Variants in RPE65 observed in about 807,000 individuals in gnomAD.
RPE65 encodes retinoid isomerohydrolase.
RPE65 carries 58 observed loss-of-function variants against 68.5 expected under a neutral mutation model. The ratio of observed to expected loss-of-function variants is 0.85; its 90% CI spans 0.69 to 1.05. The LOEUF is 1.05. RPE65 is among the 50% of genes least tolerant of loss of function. The pLI, the probability that RPE65 is intolerant of heterozygous loss-of-function variation, is 0.00. For missense variants in RPE65, 643 were observed against 629.9 expected (o/e 1.02, Z -0.22); for synonymous variants, 220 against 222.2 (o/e 0.99, Z 0.09).
intron 6 of RPE65, among the ~76,000 whole-genome samples, chr1:68,440,140 C>A (rs1459151598): frequency 2.0e-5 from 3 of 152,178 alleles, no homozygotes; most frequent in Non-Finnish European, 4.4e-5. Flanking sequence ...ATACTGATTG[C>A]AGGCTCCACT....
chr1:68,449,525 T>C (rs1571175173), intron 1 of RPE65, among the ~76,000 whole-genome samples: 1 of 152,136 alleles, frequency 6.6e-6, no homozygotes, highest in Admixed American at 6.5e-5. Context: ...CACAGTAACA[T>C]AATGGAGTAA....
chr1:68,437,791 C>T (rs1645871777), intron 10 of RPE65, among the ~76,000 whole-genome samples: 1 of 152,106 alleles, frequency 6.6e-6, no homozygotes, highest in Non-Finnish European at 1.5e-5. Flanking sequence ...ACTGGTTTCC[C>T]TACAAGAGTA....
At chr1:68,442,631 C>T (rs1005994367) in intron 5 of RPE65, among the ~76,000 whole-genome samples, 3 of 152,172 alleles carry the variant, frequency 2.0e-5, no homozygotes, top group Non-Finnish European at 4.4e-5. Context: ...TTTAAAATTA[C>T]ATTTTACAGT....
intron 10 of RPE65, among the ~76,000 whole-genome samples, chr1:68,431,902 C>A (rs1015660212): frequency 6.6e-6 from 1 of 151,448 alleles, no homozygotes; most frequent in Non-Finnish European, 1.5e-5. Context: ...AAACAAAAAC[C>A]AAACAAAAAT....
rs1469460289 is a variant in RPE65, at chr1:68,444,605, C to T, written c.421G>A (p.Glu141Lys). The T allele has an allele frequency of 3.7e-6, 6 of 1,614,030 alleles. No individual in the cohort carries two copies. The Admixed American group carries it at 8.3e-5, about 22-fold the overall frequency. ...NALVNVYPVG[E>K]DYYACTETNF... ...GTCTCTGTGCAAGCGTAGTAATCTT[C>T]CCCCACTGGGTAGACATTAACAAGG... is the stretch of plus-strand genomic sequence containing the variant. The change falls in exon 5 of 14, where the codon GAA (glutamate) becomes AAA (lysine). Residue 141 changes from glutamate (E) to lysine (K), a missense_variant. By Grantham distance (56) the Glu-to-Lys change is moderately conservative. Coordinates refer to ENST00000262340, the MANE Select transcript of RPE65 (RefSeq NM_000329.3).
chr1:68,429,194 A>G lies in RPE65; in HGVS notation c.*582T>C, dbSNP rs1645802480. The G allele has an allele frequency of 2.0e-5, 3 of 152,746 alleles. No individual in the cohort carries two copies. Among genetic ancestry groups the G allele is most frequent in the Admixed American group, 2.0e-4 (3 of 15,336 alleles). The allele number at this position is 152,746 out of a possible 1,614,324, so 9.5% of individuals were successfully genotyped here. A position where few individuals can be genotyped will look rare whatever the true frequency, so the allele number is the denominator to read the frequency against. The stretch of plus-strand genomic sequence containing the variant: ...TTTTCTTATTATAAAATCAGAAATA[A>G]TAGTACTTGCTTGTAATAAACGGAA... On this transcript the variant is annotated 3_prime_UTR_variant, in exon 14 of 14. Transcript: ENST00000262340.
At chr1:68,437,425 T>C (rs1423104004) in intron 10 of RPE65, among the ~76,000 whole-genome samples, 2 of 152,226 alleles carry the variant, frequency 1.3e-5, no homozygotes, top group Admixed American at 1.3e-4. Context: ...TTAAGAGCAG[T>C]GGTGTTTGGT....
chr1:68,437,983 C>T (rs1437699296), intron 10 of RPE65, among the ~76,000 whole-genome samples: 2 of 152,200 alleles, frequency 1.3e-5, no homozygotes, highest in Non-Finnish European at 2.9e-5. Flanking sequence ...CCTGGCTCTG[C>T]TGCAGTTGCT....
In RPE65 at chr1:68,428,870, T is replaced by C. The variant is rs1397674202; in HGVS notation, c.*906A>G. ...TAAACAATCTCTGGAAGAAAAGAAA[T>C]TTAAAAACAAAAGGCTTAAAATGTA... On this transcript the variant is annotated 3_prime_UTR_variant, in exon 14 of 14. Transcript: ENST00000262340. The C allele has an allele frequency of 6.6e-6, 1 of 152,220 alleles. No individual in the cohort carries two copies. Among genetic ancestry groups the C allele is most frequent in the East Asian group, 1.9e-4 (1 of 5,188 alleles). 9.4% of individuals were successfully genotyped at this position (152,220 alleles called of 1,614,324 possible). A position where few individuals can be genotyped will look rare whatever the true frequency, so the allele number is the denominator to read the frequency against.
rs1399365841 is a variant in RPE65 at position 68,439,054 on chromosome 1, T to G, written c.886A>C (p.Arg296=). The G allele has an allele frequency of 2.1e-5, 34 of 1,613,888 alleles. No homozygotes were observed. The highest frequency in any genetic ancestry group is 2.7e-5 in the Non-Finnish European group (32 of 1,179,840). ...GVWLHIADKK[R]KKYLNNKYRT... is the part of the protein sequence containing the mutation. ...TATTTATTATTGAGGTACTTTTTCCTTTTTTTGTCAGCAATATGAAGCCAA... is the reference window on the plus strand; with the variant it reads ...TATTTATTATTGAGGTACTTTTTCCGTTTTTTGTCAGCAATATGAAGCCAA... The change falls in exon 9 of 14, where the codon AGG becomes CGG. Residue 296 remains arginine (R), a synonymous_variant. Coordinates refer to ENST00000262340, the MANE Select transcript of RPE65 (RefSeq NM_000329.3).
intron 5 of RPE65, among the ~76,000 whole-genome samples, chr1:68,443,377 A>T (rs1292632973): frequency 2.0e-5 from 3 of 152,164 alleles, no homozygotes; most frequent in Non-Finnish European, 4.4e-5. Context: ...CATGTGTGGG[A>T]CGTCTCCATG....
In RPE65 at chr1:68,440,943, T is replaced by C; in HGVS notation, c.553A>G (p.Asn185Asp). 3 of 1,614,036 alleles carry C rather than the reference T, an allele frequency of 1.9e-6. No homozygotes were observed. The highest frequency in any genetic ancestry group is 2.5e-6 in the Non-Finnish European group (3 of 1,179,944). Residue 185 changes from asparagine to aspartate, a missense_variant, in exon 6 of 14, where the codon AAT (asparagine) becomes GAT (aspartate). Transcript: ENST00000262340. ...NGATAHPHIE[N>D]DGTVYNIGNC... ...CCAATATTGTAAACGGTTCCATCAT[T>C]TTCAATGTGGGGGTGAGCAGTGGCC...
intron 1 of RPE65, 72 bp downstream of exon 1, chr1:68,449,823 G>A: frequency 6.5e-7 from 1 of 1,540,616 alleles, no homozygotes; most frequent in Non-Finnish European, 9.0e-7. Context: ...CTTCTCTTCA[G>A]GAGCCCTTGA....
intron 1 of RPE65, among the ~76,000 whole-genome samples, chr1:68,449,276 T>C (rs1645965087): frequency 1.3e-5 from 2 of 152,152 alleles, no homozygotes; most frequent in Admixed American, 1.3e-4. Flanking sequence ...TTTTTCCCCA[T>C]CATCTCATTT....
chr1:68,449,359 G>A (rs1232368852), intron 1 of RPE65, among the ~76,000 whole-genome samples: 3 of 151,940 alleles, frequency 2.0e-5, no homozygotes, highest in African/African-American at 7.3e-5. Context: ...CTATATTTTT[G>A]TTTACTTTCT....
intron 10 of RPE65, among the ~76,000 whole-genome samples, chr1:68,435,544 G>A (rs1302274239): frequency 6.6e-6 from 1 of 152,134 alleles, no homozygotes; most frequent in East Asian, 1.9e-4. Context: ...AGAGTACAAC[G>A]TACTTTTATA....
chr1:68,445,316 C>A (rs3790472), intron 3 of RPE65, among the ~76,000 whole-genome samples: 59,353 of 151,738 alleles, frequency 0.39, 12,457 homozygotes, highest in Middle Eastern at 0.59. Flanking sequence ...GAATTATATT[C>A]TTCTCAATCT....
intron 2 of RPE65, among the ~76,000 whole-genome samples, chr1:68,447,884 AC>A (rs1340974545): frequency 3.3e-5 from 5 of 151,852 alleles, no homozygotes; most frequent in African/African-American, 9.7e-5. Context: ...AAAAAAACAA[AC>A]AAAAAAAACC....
At chr1:68,441,486 T>C (rs993765557) in intron 5 of RPE65, among the ~76,000 whole-genome samples, 6 of 152,016 alleles carry the variant, frequency 3.9e-5, no homozygotes, top group Admixed American at 1.3e-4. Flanking sequence ...TCAAGCTTCA[T>C]CTAGTATAGA....
Sources: allele counts gnomAD v4.1 joint callset (sites outside exome capture counted in the v4.1 genomes callset), GRCh38; gene constraint gnomAD v4.1.1; transcripts MANE v1.5; gene names NCBI Gene and HGNC (gene_info 2026-07-23, HGNC 2026-07-21).